The following PHACTR1 variants were observed in gnomAD, a reference collection of about 807,000 sequenced individuals.
The protein encoded by PHACTR1 is phosphatase and actin regulator 1.
In PHACTR1, 16 loss-of-function variants were observed where a neutral mutation model predicts 69.2. The ratio of observed to expected loss-of-function variants is 0.23; its 90% CI spans 0.16 to 0.35. The LOEUF is 0.35. PHACTR1 is among the 10% of genes least tolerant of loss of function. The pLI, the probability that PHACTR1 is intolerant of heterozygous loss-of-function variation, is 1.00. For synonymous variants in PHACTR1, 312 were observed against 284.5 expected, an observed-to-expected ratio of 1.10 and a Z score of -0.97; for missense variants, 510 against 734.7, an observed-to-expected ratio of 0.69 and a Z score of 3.54.
intron 5 of PHACTR1, among the ~76,000 whole-genome samples, chr6:13,054,246 T>C (rs1329421899): frequency 1.3e-5 from 2 of 152,222 alleles, no homozygotes; most frequent in Non-Finnish European, 2.9e-5. Context: ...GAGTTAATAT[T>C]TGTGGAGAGT....
At chr6:13,133,716 C>T (rs1309710220) in intron 5 of PHACTR1, among the ~76,000 whole-genome samples, 1 of 152,018 alleles carries the variant, frequency 6.6e-6, no homozygotes, top group African/African-American at 2.4e-5. Context: ...CTGGCTGCCA[C>T]CCCGTCTGGG....
intron 8 of PHACTR1, among the ~76,000 whole-genome samples, chr6:13,214,641 T>C (rs999246502): frequency 6.6e-6 from 1 of 152,056 alleles, no homozygotes; most frequent in Non-Finnish European, 1.5e-5. Context: ...ACCTGAAAAA[T>C]AGGAGCAATC....
At chr6:12,933,677 G>T in intron 4 of PHACTR1, 1 of 1,612,840 alleles carries the variant, frequency 6.2e-7, no homozygotes, top group Non-Finnish European at 8.5e-7. Context: ...AATGGGACCA[G>T]CAGTGCCAAC....
chr6:13,213,290 CTG>C (rs1224073344), intron 8 of PHACTR1, among the ~76,000 whole-genome samples: 1 of 152,178 alleles, frequency 6.6e-6, no homozygotes. Flanking sequence ...ACAATTTGAA[CTG>C]TTCCCTCTGT....
At chr6:13,085,469 A>G (rs1812121426) in intron 5 of PHACTR1, among the ~76,000 whole-genome samples, 1 of 152,152 alleles carries the variant, frequency 6.6e-6, no homozygotes, top group African/African-American at 2.4e-5. Context: ...TATTAATCAA[A>G]TATATTTTCA....
intron 4 of PHACTR1, among the ~76,000 whole-genome samples, chr6:12,814,318 C>T (rs1231916642): frequency 1.3e-5 from 2 of 152,210 alleles, no homozygotes; most frequent in Non-Finnish European, 1.5e-5. Context: ...AGCCAGTTAC[C>T]GCCTACTGTG....
At position 12,829,955 on chromosome 6, in the gene PHACTR1, CAAGA is replaced by C. The variant is rs1294549111; in HGVS notation, c.250+80174_250+80177del. On this transcript the variant is annotated intron_variant, in intron 4 of 14. Transcript: ENST00000332995. ...TCTGGGAAACAGAGCAAGACTCCGT[CAAGA>C]AAGAAAGAGAGAGAGAGAGAGAGAG... Among the ~76,000 whole-genome samples, 6 of 70,920 alleles carry C rather than the reference CAAGA, an allele frequency of 8.5e-5. No homozygotes were observed. The South Asian group carries it at 1.4e-3, about 16-fold the overall frequency. 46.5% of individuals were successfully genotyped at this position (70,920 alleles called of 152,430 possible).
chr6:12,824,277 C>T (rs1223665564), intron 4 of PHACTR1, among the ~76,000 whole-genome samples: 1 of 152,198 alleles, frequency 6.6e-6, no homozygotes, highest in Non-Finnish European at 1.5e-5. Context: ...TTCAAGAAAG[C>T]AAGCTCAGCG....
At chr6:12,725,861 C>T (rs1022940560) in intron 3 of PHACTR1, among the ~76,000 whole-genome samples, 3 of 152,146 alleles carry the variant, frequency 2.0e-5, no homozygotes, top group South Asian at 2.1e-4. Context: ...CTTAAATCTA[C>T]ACTATAAAAA....
intron 10 of PHACTR1, among the ~76,000 whole-genome samples, chr6:13,258,672 G>C (rs55903603): frequency 0.062 from 9,440 of 152,240 alleles, 546 homozygotes; most frequent in African/African-American, 0.15. Context: ...CCTTTGATCA[G>C]ATCATGTTAA....
intron 4 of PHACTR1, among the ~76,000 whole-genome samples, chr6:13,000,867 A>G (rs1450936794): frequency 6.6e-6 from 1 of 152,188 alleles, no homozygotes; most frequent in East Asian, 1.9e-4. Context: ...CTTCCCCAAG[A>G]TAATCTTCCA....
chr6:13,034,832 A>C (rs1803062477), intron 4 of PHACTR1, among the ~76,000 whole-genome samples: 2 of 152,230 alleles, frequency 1.3e-5, no homozygotes, highest in South Asian at 4.1e-4. Context: ...TATAAATGGC[A>C]CACAGAAAAA....
chr6:12,805,044 G>A (rs368371979), intron 4 of PHACTR1, among the ~76,000 whole-genome samples: 1 of 152,032 alleles, frequency 6.6e-6, no homozygotes, highest in East Asian at 1.9e-4. Flanking sequence ...CATTGCAAAG[G>A]AATTTGCCTT....
chr6:13,212,623 G>A (rs1283252116), intron 8 of PHACTR1, among the ~76,000 whole-genome samples: 2 of 152,082 alleles, frequency 1.3e-5, no homozygotes, highest in Admixed American at 6.5e-5. Context: ...GAGTATTAAC[G>A]GACTGCCCCT....
intron 4 of PHACTR1, among the ~76,000 whole-genome samples, chr6:12,789,233 G>A (rs1039206411): frequency 6.6e-6 from 1 of 152,078 alleles, no homozygotes; most frequent in African/African-American, 2.4e-5. Context: ...TACTTGGCTG[G>A]TCAGCAACAT....
At chr6:13,011,381 G>T (rs1228560673) in intron 4 of PHACTR1, among the ~76,000 whole-genome samples, 2 of 152,184 alleles carry the variant, frequency 1.3e-5, no homozygotes, top group Non-Finnish European at 2.9e-5. Flanking sequence ...GCAAACTCAG[G>T]GAGGACAGTT....
At chr6:13,040,321 G>T (rs952843913) in intron 4 of PHACTR1, among the ~76,000 whole-genome samples, 4 of 151,858 alleles carry the variant, frequency 2.6e-5, no homozygotes, top group Non-Finnish European at 4.4e-5. Flanking sequence ...TTGACCTGTT[G>T]CCTTATAATT....
At chr6:12,774,478 G>T (rs1283157949) in intron 4 of PHACTR1, among the ~76,000 whole-genome samples, 2 of 152,010 alleles carry the variant, frequency 1.3e-5, no homozygotes, top group Non-Finnish European at 2.9e-5. Flanking sequence ...TGCACCCCCC[G>T]CCTCCAGGGT....
At chr6:12,791,854 C>T (rs746011510) in intron 4 of PHACTR1, among the ~76,000 whole-genome samples, 3 of 152,124 alleles carry the variant, frequency 2.0e-5, no homozygotes, top group Non-Finnish European at 2.9e-5. Context: ...TCCCCGCTTG[C>T]CTGAGGGTTG....
Sources: allele counts gnomAD v4.1 joint callset (sites outside exome capture counted in the v4.1 genomes callset), GRCh38; gene constraint gnomAD v4.1.1; transcripts MANE v1.5; gene names NCBI Gene and HGNC (gene_info 2026-07-23, HGNC 2026-07-21).